Variants in MORN5 observed in about 807,000 individuals in gnomAD.
The protein encoded by MORN5 is MORN repeat containing 5.
Under a neutral mutation model 22.1 loss-of-function variants are expected in MORN5, and 21 were observed. The ratio of observed to expected loss-of-function variants is 0.95; its 90% CI spans 0.67 to 1.37. The LOEUF is 1.37. MORN5 is among the 40% of genes most tolerant of loss of function. The pLI is 0.00. For synonymous variants in MORN5, 73 were observed against 74.0 expected (o/e 0.99, Z 0.07); for missense variants, 211 against 215.1 (o/e 0.98, Z 0.12).
chr9:122,189,700 G>A (rs549157653), intron 4 of MORN5, among the ~76,000 whole-genome samples: 2 of 152,200 alleles, frequency 1.3e-5, no homozygotes, highest in African/African-American at 4.8e-5. Flanking sequence ...TCCACCTCCT[G>A]GGTTCACGCC....
intron 2 of MORN5, 106 bp downstream of exon 2, chr9:122,167,021 T>A: frequency 9.2e-7 from 1 of 1,085,850 alleles, no homozygotes; most frequent in Non-Finnish European, 1.3e-6. Flanking sequence ...CTTGTTCCAT[T>A]CACTCTTCTC....
At chr9:122,169,338 T>G (rs1196383421) in intron 2 of MORN5, among the ~76,000 whole-genome samples, 1 of 152,218 alleles carries the variant, frequency 6.6e-6, no homozygotes, top group Non-Finnish European at 1.5e-5. Flanking sequence ...TCATTGAATT[T>G]TCAATCAACC....
At chr9:122,181,964 T>C (rs1044899764) in intron 4 of MORN5, among the ~76,000 whole-genome samples, 4 of 152,242 alleles carry the variant, frequency 2.6e-5, no homozygotes, top group Admixed American at 6.5e-5. Context: ...CTGGGATTTG[T>C]TAAGCTTTCT....
At chr9:122,165,395 CAA>C (rs59306308) in intron 1 of MORN5, among the ~76,000 whole-genome samples, 2,408 of 82,872 alleles carry the variant, frequency 0.029, 14 homozygotes, top group South Asian at 0.062. Context: ...CCCGTCTCTA[CAA>C]AAAAAAAAAA....
intron 4 of MORN5, among the ~76,000 whole-genome samples, chr9:122,191,047 T>G (rs7863140): frequency 0.5 from 76,460 of 152,034 alleles, 22,465 homozygotes; most frequent in African/African-American, 0.8. Flanking sequence ...TGACAGAAGC[T>G]TCCTTCCTCC....
intron 1 of MORN5, among the ~76,000 whole-genome samples, chr9:122,165,633 G>C (rs79219939): frequency 0.036 from 5,506 of 152,104 alleles, 125 homozygotes; most frequent in South Asian, 0.055. Context: ...TGGTGTCCCT[G>C]CCTTGTTCTC....
intron 1 of MORN5, among the ~76,000 whole-genome samples, chr9:122,163,109 C>T (rs766931269): frequency 3.3e-5 from 5 of 151,878 alleles, no homozygotes; most frequent in East Asian, 1.9e-4. Flanking sequence ...TTGGAGTAGT[C>T]GCACAATTGA....
chr9:122,199,115 G>A (rs535254636), intron 4 of MORN5, among the ~76,000 whole-genome samples: 26 of 152,262 alleles, frequency 1.7e-4, no homozygotes, highest in African/African-American at 5.5e-4. Context: ...AGCGTGCTGT[G>A]GACTGAATGT....
intron 4 of MORN5, 117 bp from the exon 5 acceptor site, chr9:122,199,768 C>T: frequency 1.1e-6 from 1 of 904,418 alleles, no homozygotes; most frequent in Non-Finnish European, 1.8e-6. Context: ...CACAAAACTA[C>T]ACAGACTGGC....
intron 4 of MORN5, among the ~76,000 whole-genome samples, chr9:122,178,902 C>G (rs1384144484): frequency 6.6e-6 from 1 of 152,184 alleles, no homozygotes; most frequent in Non-Finnish European, 1.5e-5. Flanking sequence ...TAATGGATGG[C>G]AGCATTATCT....
chr9:122,193,445 C>T (rs1402072133), intron 4 of MORN5, among the ~76,000 whole-genome samples: 2 of 152,122 alleles, frequency 1.3e-5, no homozygotes, highest in Non-Finnish European at 2.9e-5. Context: ...ATTAGCTGGG[C>T]GTGGTGGCGC....
chr9:122,181,390 T>C (rs867830865), intron 4 of MORN5, among the ~76,000 whole-genome samples: 4 of 152,298 alleles, frequency 2.6e-5, no homozygotes, highest in Middle Eastern at 3.4e-3. Context: ...AACTAGGTCT[T>C]GGAGCGATGA....
intron 3 of MORN5, 73 bp downstream of exon 3, chr9:122,169,829 T>C (rs1829340768): frequency 2.0e-6 from 2 of 1,020,112 alleles, no homozygotes; most frequent in Middle Eastern, 4.1e-4. Flanking sequence ...ATAAGTGGAC[T>C]GTGTCCTACT....
At position 122,197,956 on chromosome 9, in the gene MORN5, G is replaced by A. The variant is rs1829932133; in HGVS notation, c.440-1929G>A. 6.6e-6 allele frequency among the ~76,000 whole-genome samples: 1 copy of A among 152,180 alleles called. No individual in the cohort carries two copies. The highest frequency in any genetic ancestry group is 2.1e-4 in the South Asian group (1 of 4,832). On this transcript the variant is annotated intron_variant, in intron 4 of 4. Transcript: ENST00000373764. The surrounding 1 kb of genome is among the most constrained non-coding windows in gnomAD (Gnocchi z 5.7). ...GCTCACTGGCTGCTTGCCAGAGTGT[G>A]CCAGGCAGCAAGCCGTTTTCCTTAG... is the stretch of plus-strand genomic sequence containing the variant.
At chr9:122,168,138 A>C (rs1329433041) in intron 2 of MORN5, among the ~76,000 whole-genome samples, 1 of 152,212 alleles carries the variant, frequency 6.6e-6, no homozygotes, top group African/African-American at 2.4e-5. Flanking sequence ...GCAGACAGGG[A>C]CATCTTTGGG....
rs374295163 is a variant in MORN5 at position 122,174,907 on chromosome 9, C to T, written c.439+280C>T. The T allele has an allele frequency of 7.7e-5, 76 of 980,948 alleles. No homozygotes were observed. The African/African-American group carries it at 8.4e-4, about 11-fold the overall frequency. 60.8% of individuals were successfully genotyped at this position (980,948 alleles called of 1,614,324 possible). ...GTACTTATTTTTGTATGCATTCCTT[C>T]GATTTTAATGGGCACCTACTATATG... On this transcript the variant is annotated intron_variant, in intron 4 of 4. Transcript: ENST00000373764.
chr9:122,177,731 G>A (rs1477381533), intron 4 of MORN5, among the ~76,000 whole-genome samples: 1 of 152,186 alleles, frequency 6.6e-6, no homozygotes, highest in East Asian at 1.9e-4. Flanking sequence ...CTAACCAGGT[G>A]TCAATAGCTT....
intron 4 of MORN5, among the ~76,000 whole-genome samples, chr9:122,188,633 C>A (rs1396997174): frequency 1.3e-5 from 2 of 152,208 alleles, no homozygotes; most frequent in Non-Finnish European, 2.9e-5. Context: ...GGCCATGGCA[C>A]TTGGTTCCTC....
At chr9:122,177,259 G>A (rs1399180290) in intron 4 of MORN5, among the ~76,000 whole-genome samples, 1 of 152,218 alleles carries the variant, frequency 6.6e-6, no homozygotes, top group African/African-American at 2.4e-5. Context: ...AAATGACACT[G>A]CTGAGATGAC....
Sources: allele counts gnomAD v4.1 joint callset (sites outside exome capture counted in the v4.1 genomes callset), GRCh38; gene constraint gnomAD v4.1.1; non-coding constraint Gnocchi (gnomAD v3.1); transcripts MANE v1.5; gene names NCBI Gene and HGNC (gene_info 2026-07-23, HGNC 2026-07-21).